The following MCM3AP variants were observed in gnomAD, a reference collection of about 807,000 sequenced individuals.
MCM3AP encodes the protein minichromosome maintenance complex component 3 associated protein.
MCM3AP carries 126 observed loss-of-function variants against 184.1 expected under a neutral mutation model. The ratio of observed to expected loss-of-function variants is 0.68; its 90% CI spans 0.59 to 0.79. The LOEUF is 0.79. MCM3AP is among the 30% of genes least tolerant of loss of function. The pLI is 0.00. For missense variants in MCM3AP, 2,496 were observed against 2,479.2 expected, an observed-to-expected ratio of 1.01 and a Z score of -0.14; for synonymous variants, 1,002 against 979.3, an observed-to-expected ratio of 1.02 and a Z score of -0.43.
intron 16 of MCM3AP, among the ~76,000 whole-genome samples, chr21:46,258,024 C>T (rs571304306): frequency 1.3e-5 from 2 of 151,864 alleles, no homozygotes; most frequent in African/African-American, 4.8e-5. Context: ...CCACTGGCAA[C>T]GGGGACAGCT....
chr21:46,263,180 A>G (rs1181849686), intron 13 of MCM3AP, among the ~76,000 whole-genome samples: 1 of 151,344 alleles, frequency 6.6e-6, no homozygotes, highest in Non-Finnish European at 1.5e-5. Flanking sequence ...AATACAAAAA[A>G]TTAGCCAGGC....
At position 46,285,231 on chromosome 21, in the gene MCM3AP, G is replaced by C. The variant is rs753950922; in HGVS notation, c.56C>G (p.Ser19Cys). 1 of 1,614,212 alleles carries C rather than the reference G, an allele frequency of 6.2e-7. No individual in the cohort carries two copies. The highest frequency in any genetic ancestry group is 8.5e-7 in the Non-Finnish European group (1 of 1,180,016). ...AGATGGAAGTGTTCCTACATTACTA[G>C]AAGACGCCGAAAAAGCACTAGGCTG... Reference protein sequence around the residue: ...GQQPSAFSASSSNVGTLPSKP... With the variant: ...GQQPSAFSASCSNVGTLPSKP... The change falls in exon 1 of 28, where the codon TCT becomes TGT. Residue 19 changes from serine to cysteine, a missense_variant. Coordinates refer to ENST00000291688, the MANE Select transcript of MCM3AP (RefSeq NM_003906.5).
chr21:46,283,425 A>ATTC (rs763330066), intron 2 of MCM3AP, among the ~76,000 whole-genome samples, 190 bp downstream of exon 2: 2 of 152,298 alleles, frequency 1.3e-5, no homozygotes, highest in Non-Finnish European at 2.9e-5. Flanking sequence ...AGAGTACTAT[A>ATTC]TTCTGTAGGG....
chr21:46,264,261 G>GCATTTCTGCCCTGGGT, intron 12 of MCM3AP, 44 bp from the exon 13 acceptor site: 2 of 1,256,632 alleles, frequency 1.6e-6, no homozygotes, highest in Non-Finnish European at 2.3e-6. Context: ...GTCCCACCCA[G>GCATTTCTGCCCTGGGT]GGCAGAAATG....
In MCM3AP at chr21:46,270,436, G is replaced by C; in HGVS notation, c.2593C>G (p.Leu865Val). 1.2e-6 allele frequency: 2 copies of C among 1,613,824 alleles called. No homozygotes were observed. Among genetic ancestry groups the C allele is most frequent in the Non-Finnish European group, 1.7e-6 (2 of 1,179,912 alleles). ...TAACAGTGTAAAAGACAAGCGTTCA[G>C]GTAAGAAGCTGACTGGACCAGTTTG... ...FFKLVQSASYLNACLLHCYFS... is the reference protein window; with the variant it reads ...FFKLVQSASYVNACLLHCYFS... Residue 865 changes from leucine (L) to valine (V), a missense_variant, in exon 9 of 28, where the codon CTG becomes GTG. Leu to Val is a conservative substitution (Grantham distance 32, BLOSUM62 1). This residue lies in a region of MCM3AP where 138 missense variants were observed against 191.9 expected (regional missense o/e 0.72). Coordinates refer to ENST00000291688, the MANE Select transcript of MCM3AP (RefSeq NM_003906.5).
intron 26 of MCM3AP, among the ~76,000 whole-genome samples, 197 bp from the exon 27 acceptor site, chr21:46,237,176 A>G (rs796439103): frequency 8.9e-5 from 13 of 146,012 alleles, no homozygotes; most frequent in African/African-American, 3.1e-4. Context: ...ATCTCGGGTC[A>G]GTGCAACCTC....
intron 20 of MCM3AP, chr21:46,249,884 A>G (rs1043653853): frequency 1.5e-5 from 3 of 195,396 alleles, no homozygotes; most frequent in African/African-American, 2.4e-5. Context: ...AACAGTACCC[A>G]TACACAGGTG....
At chr21:46,263,780 CAAAAAAAAA>C (rs57674256) in intron 13 of MCM3AP, among the ~76,000 whole-genome samples, 3 of 28,316 alleles carry the variant, frequency 1.1e-4, no homozygotes, top group African/African-American at 3.6e-4. Flanking sequence ...GACTCCATCT[CAAAAAAAAA>C]AAAAAAAAAA....
At chr21:46,273,320 T>C (rs572681264) in intron 7 of MCM3AP, 68 bp downstream of exon 7, 1 of 1,418,796 alleles carries the variant, frequency 7.0e-7, no homozygotes, top group South Asian at 1.2e-5. Context: ...AACAGAGTAA[T>C]AAAAATATCA....
At chr21:46,281,122 C>T (rs1569082529) in intron 2 of MCM3AP, among the ~76,000 whole-genome samples, 1 of 152,024 alleles carries the variant, frequency 6.6e-6, no homozygotes, top group South Asian at 2.1e-4. Context: ...TTTTAATTAA[C>T]AACTTTGCTT....
chr21:46,239,466 C>T (rs2080609965), intron 26 of MCM3AP, among the ~76,000 whole-genome samples: 1 of 152,144 alleles, frequency 6.6e-6, no homozygotes. Context: ...TGTGAATGGG[C>T]TGATGTGAGG....
In MCM3AP at chr21:46,259,038, A is replaced by G. The variant is rs1348421615; in HGVS notation, c.3635T>C (p.Val1212Ala). ...AAACAAGTCCACTAAGTGGGCACAGACATCCTCACAGCAACGGGCCACACG... is the reference window on the plus strand; with the variant it reads ...AAACAAGTCCACTAAGTGGGCACAGGCATCCTCACAGCAACGGGCCACACG... ...RVRVARCCED[V>A]CAHLVDLFLV... is the part of the protein sequence containing the mutation. Residue 1212 changes from valine to alanine, a missense_variant, in exon 16 of 28, where the codon GTC (valine) becomes GCC (alanine). Transcript: ENST00000291688. 1 of 1,614,134 alleles carries G rather than the reference A, an allele frequency of 6.2e-7. No homozygotes were observed. The highest frequency in any genetic ancestry group is 2.2e-5 in the East Asian group (1 of 44,882).
intron 9 of MCM3AP, chr21:46,270,147 G>A: frequency 2.9e-6 from 1 of 340,510 alleles, no homozygotes; most frequent in Non-Finnish European, 5.3e-6. Flanking sequence ...TTCAACCTAT[G>A]TTTTCCCAAA....
At chr21:46,253,988 C>A (rs926448532) in intron 19 of MCM3AP, 1 of 240,920 alleles carries the variant, frequency 4.2e-6, no homozygotes, top group African/African-American at 2.3e-5. Context: ...CATGTGGCAT[C>A]TCCCCCTTCT....
At chr21:46,273,041 C>G (rs1378519967) in intron 7 of MCM3AP, among the ~76,000 whole-genome samples, 2 of 151,408 alleles carry the variant, frequency 1.3e-5, no homozygotes, top group African/African-American at 4.9e-5. Context: ...GCAGTGGTGT[C>G]ATCTTGGCTC....
At chr21:46,266,612 G>A (rs1443150222) in intron 10 of MCM3AP, 6 of 279,700 alleles carry the variant, frequency 2.1e-5, no homozygotes, top group East Asian at 8.4e-5. Context: ...GGTAAGTACC[G>A]GAGAAGACTC....
chr21:46,261,129 C>G, intron 14 of MCM3AP, 151 bp downstream of exon 14: 2 of 1,050,118 alleles, frequency 1.9e-6, no homozygotes, highest in South Asian at 1.5e-5. Context: ...TCCATCCACC[C>G]CCTGGGCTGA....
At chr21:46,258,820 A>G (rs181862704) in intron 16 of MCM3AP, 119 bp downstream of exon 16, 39 of 1,092,282 alleles carry the variant, frequency 3.6e-5, no homozygotes, top group Non-Finnish European at 2.4e-5. Context: ...TCATTGCTAT[A>G]ACATTTTCCC....
In MCM3AP at chr21:46,284,434, G is replaced by C; in HGVS notation, c.853C>G (p.Pro285Ala). ...EEAVSQVEPLPSLMKGLKRKE... is the reference protein window; with the variant it reads ...EEAVSQVEPLASLMKGLKRKE... Reference sequence around the variant, plus strand: ...CTTTTCAGTCCTTTCATTAGGCTGGGAAGTGGTTCCACCTGGGAAACAGCT... The same window carrying C: ...CTTTTCAGTCCTTTCATTAGGCTGGCAAGTGGTTCCACCTGGGAAACAGCT... Residue 285 changes from proline (P) to alanine (A), a missense_variant, in exon 1 of 28, where the codon CCC (proline) becomes GCC (alanine). This residue lies in a region of MCM3AP where 800 missense variants were observed against 717.1 expected (regional missense o/e 1.12). Coordinates refer to ENST00000291688, the MANE Select transcript of MCM3AP (RefSeq NM_003906.5). The C allele has an allele frequency of 6.2e-7, 1 of 1,614,134 alleles. No homozygotes were observed. The highest frequency in any genetic ancestry group is 8.5e-7 in the Non-Finnish European group (1 of 1,180,040).
Sources: allele counts gnomAD v4.1 joint callset (sites outside exome capture counted in the v4.1 genomes callset), GRCh38; gene constraint gnomAD v4.1.1; regional missense constraint gnomAD v4.1.1; transcripts MANE v1.5; gene names NCBI Gene and HGNC (gene_info 2026-07-23, HGNC 2026-07-21).